DZANK1: variants seen among roughly 807,000 people sequenced by gnomAD.
The protein encoded by DZANK1 is double zinc ribbon and ankyrin repeat-containing protein 1.
Under a neutral mutation model 94.5 loss-of-function variants are expected in DZANK1, and 91 were observed. That is an observed-to-expected ratio of 0.96 (90% CI 0.81 to 1.15). DZANK1 has a LOEUF of 1.15. Among genes scored for constraint, DZANK1 ranks in the 50% most tolerant of loss-of-function variants. DZANK1 has a pLI of 0.00. For missense variants in DZANK1, 903 were observed against 916.4 expected, an observed-to-expected ratio of 0.99 and a Z score of 0.19; for synonymous variants, 312 against 325.3, an observed-to-expected ratio of 0.96 and a Z score of 0.44.
At chr20:18,408,134 G>A (rs1328458900) in intron 13 of DZANK1, among the ~76,000 whole-genome samples, 1 of 152,206 alleles carries the variant, frequency 6.6e-6, no homozygotes, top group East Asian at 1.9e-4. Context: ...TGGCCAACAG[G>A]GTGAAACCCC....
chr20:18,396,644 T>A, intron 14 of DZANK1, 98 bp from the exon 15 acceptor site: 1 of 767,552 alleles, frequency 1.3e-6, no homozygotes, highest in Non-Finnish European at 2.1e-6. Context: ...ACTCTAAATT[T>A]AACCAAATAT....
intron 12 of DZANK1, chr20:18,412,841 A>G (rs750002598): frequency 6.2e-7 from 1 of 1,613,986 alleles, no homozygotes; most frequent in East Asian, 2.2e-5. Flanking sequence ...AGGGACTGCC[A>G]GGCACATCGG....
At chr20:18,460,339 A>T in intron 2 of DZANK1, 33 bp from the exon 3 acceptor site, 1 of 1,457,614 alleles carries the variant, frequency 6.9e-7, no homozygotes, top group Non-Finnish European at 9.3e-7. Context: ...ACTATAATTA[A>T]CACCAAAGTA....
chr20:18,455,749 G>T (rs142442909), intron 3 of DZANK1, among the ~76,000 whole-genome samples: 1 of 152,128 alleles, frequency 6.6e-6, no homozygotes, highest in Non-Finnish European at 1.5e-5. Flanking sequence ...GGGGTAACTG[G>T]AACAGCTAGG....
At chr20:18,385,027 G>A in exon 20 of DZANK1, 1 of 1,552,734 alleles carries the variant, frequency 6.4e-7, no homozygotes, top group Non-Finnish European at 8.7e-7. Flanking sequence ...CCAGTAAAGT[G>A]GCGGTGCTCT....
chr20:18,437,444 T>C (rs1203935614), intron 8 of DZANK1, among the ~76,000 whole-genome samples: 2 of 152,104 alleles, frequency 1.3e-5, no homozygotes, highest in African/African-American at 4.8e-5. Flanking sequence ...CTGGGCATGG[T>C]GGTGCACACC....
chr20:18,437,140 A>G (rs75551011), intron 8 of DZANK1, among the ~76,000 whole-genome samples: 1,562 of 152,316 alleles, frequency 0.01, 16 homozygotes, highest in African/African-American at 0.024. Flanking sequence ...AAATGACTCC[A>G]TAGAACTTTT....
At position 18,408,778 on chromosome 20, in the gene DZANK1, C is replaced by A. The variant is rs185634299; in HGVS notation, c.1432+3868G>T. On this transcript the variant is annotated intron_variant, in intron 13 of 20. Transcript: ENST00000262547. ...GAAATGCTAAAGGGAGTTATTCAAT[C>A]TGAAAGAAAAGGATGTTAATGAGCA... 4.0e-3 allele frequency among the ~76,000 whole-genome samples: 612 copies of A among 152,210 alleles called. 1 individual carries two copies. Among genetic ancestry groups the A allele is most frequent in the Non-Finnish European group, 6.8e-3 (465 of 68,020 alleles).
chr20:18,450,535 TTTAAA>T (rs2059062787), intron 6 of DZANK1, among the ~76,000 whole-genome samples: 1 of 152,254 alleles, frequency 6.6e-6, no homozygotes, highest in Non-Finnish European at 1.5e-5. Flanking sequence ...CAGTCAAAAC[TTTAAA>T]TTATGTTATT....
At chr20:18,412,580 G>A in intron 13 of DZANK1, 66 bp downstream of exon 13, 2 of 1,455,682 alleles carry the variant, frequency 1.4e-6, no homozygotes, top group Non-Finnish European at 1.9e-6. Flanking sequence ...AAGAGAAAAT[G>A]AAATGTTCTT....
chr20:18,436,630 G>A (rs1317907241), intron 8 of DZANK1, among the ~76,000 whole-genome samples: 1 of 152,044 alleles, frequency 6.6e-6, no homozygotes, highest in Non-Finnish European at 1.5e-5. Context: ...CAACAAGTAA[G>A]GGAAAGAGAG....
Position 18,412,585 on chromosome 20 carries a change from G to C in DZANK1, c.1432+61C>G, listed in dbSNP as rs1278974976. On this transcript the variant is annotated intron_variant, in intron 13 of 20. Transcript: ENST00000262547. ...ATCTAAAAGGAAGAGAAAATGAAAT[G>C]TTCTTTCACAGAAAGAGTGAATTCC... The C allele has an allele frequency of 3.4e-6, 5 of 1,477,514 alleles. No homozygotes were observed. The Admixed American group carries it at 5.2e-5, about 15-fold the overall frequency. The allele number at this position is 1,477,514 out of a possible 1,614,324, so 91.5% of individuals were successfully genotyped here. A position where few individuals can be genotyped will look rare whatever the true frequency, so the allele number is the denominator to read the frequency against.
At chr20:18,437,527 C>G (rs565587293) in intron 8 of DZANK1, among the ~76,000 whole-genome samples, 1 of 151,594 alleles carries the variant, frequency 6.6e-6, no homozygotes, top group Admixed American at 6.6e-5. Context: ...TGCAGTGAGC[C>G]GAGATTGTGC....
exon 3 of DZANK1, chr20:18,460,189 T>G (rs745835232): frequency 1.3e-6 from 2 of 1,571,134 alleles, no homozygotes; most frequent in South Asian, 2.4e-5. Context: ...TATTTTTCCA[T>G]CAGGCAGAGT....
chr20:18,383,868 A>G (rs766905948), exon 21 of DZANK1: 3 of 152,266 alleles, frequency 2.0e-5, no homozygotes, highest in Non-Finnish European at 4.4e-5. Flanking sequence ...AACCTGCAGC[A>G]ATAAACCATT....
At chr20:18,455,344 C>T (rs2059249427) in exon 4 of DZANK1, 2 of 1,604,516 alleles carry the variant, frequency 1.2e-6, no homozygotes, top group Non-Finnish European at 1.7e-6. Flanking sequence ...TGTCACAATG[C>T]CACTCTGTCT....
At chr20:18,398,393 A>T (rs1221316073) in intron 14 of DZANK1, 130 bp downstream of exon 14, 1 of 769,706 alleles carries the variant, frequency 1.3e-6, no homozygotes, top group African/African-American at 1.7e-5. Flanking sequence ...CAGAAGAGTA[A>T]GAAAGTGTAG....
At chr20:18,458,868 C>T (rs747757989) in intron 3 of DZANK1, among the ~76,000 whole-genome samples, 1 of 152,194 alleles carries the variant, frequency 6.6e-6, no homozygotes, top group African/African-American at 2.4e-5. Context: ...CCTTGGGGAA[C>T]CAGCTAAGGC....
chr20:18,426,312 G>A (rs2148553496), intron 10 of DZANK1, among the ~76,000 whole-genome samples: 1 of 152,286 alleles, frequency 6.6e-6, no homozygotes, highest in African/African-American at 2.4e-5. Context: ...AACCAGGTCC[G>A]TGGAAAAATT....
Sources: gnomAD v4.1 joint callset for allele counts (sites outside exome capture counted in the v4.1 genomes callset) on GRCh38, gnomAD v4.1.1 for gene constraint, MANE v1.5 for transcripts, NCBI Gene and HGNC (gene_info 2026-07-23, HGNC 2026-07-21) for gene names.